Variants in IKZF1 observed in about 807,000 individuals in gnomAD.
IKZF1 encodes the protein IKAROS family zinc finger 1, also known as DNA-binding protein Ikaros.
In IKZF1, 10 loss-of-function variants were observed where a neutral mutation model predicts 51.7. That is an observed-to-expected ratio of 0.19 (90% CI 0.12 to 0.33). IKZF1 has a LOEUF of 0.33. IKZF1 is among the 10% of genes least tolerant of loss of function. IKZF1 has a pLI of 1.00. For synonymous variants in IKZF1, 280 were observed against 282.3 expected (o/e 0.99, Z 0.08); for missense variants, 484 against 707.5 (o/e 0.68, Z 3.58).
intron 2 of IKZF1, among the ~76,000 whole-genome samples, chr7:50,321,794 G>A (rs947454858): frequency 7.9e-5 from 12 of 152,076 alleles, no homozygotes; most frequent in African/African-American, 2.9e-4. Context: ...TAGTTTTCTT[G>A]TCTTTACCAT....
rs1263696689 is a variant in IKZF1, at chr7:50,376,751, A to G, written c.379A>G (p.Ile127Val). 1 of 1,613,852 alleles carries G rather than the reference A, an allele frequency of 6.2e-7. No homozygotes were observed. The highest frequency in any genetic ancestry group is 8.5e-7 in the Non-Finnish European group (1 of 1,179,892). The change falls in exon 4 of 8, where the codon ATC (isoleucine) becomes GTC (valine). Residue 127 changes from isoleucine (I) to valine (V), a missense_variant. Transcript: ENST00000331340. The surrounding 1 kb of genome is among the most constrained non-coding windows in gnomAD (Gnocchi z 4.5). ...GTGTGATATCTGTGGGATCATTTGCATCGGGCCCAATGTGCTCATGGTTCA... is the reference window on the plus strand; with the variant it reads ...GTGTGATATCTGTGGGATCATTTGCGTCGGGCCCAATGTGCTCATGGTTCA... ...LKCDICGIIC[I>V]GPNVLMVHKR...
chr7:50,355,593 C>T (rs1435487151), intron 3 of IKZF1, among the ~76,000 whole-genome samples: 1 of 150,272 alleles, frequency 6.7e-6, no homozygotes, highest in East Asian at 1.9e-4. Context: ...TCTTAATTCA[C>T]TCCAAAGTTT....
chr7:50,326,233 T>C (rs1216743242), intron 2 of IKZF1, among the ~76,000 whole-genome samples: 1 of 152,242 alleles, frequency 6.6e-6, no homozygotes, highest in Non-Finnish European at 1.5e-5. Context: ...TACCTAGTCA[T>C]GTTTTTCAGA....
intron 3 of IKZF1, among the ~76,000 whole-genome samples, chr7:50,364,663 G>T (rs1045066031): frequency 6.6e-6 from 1 of 152,224 alleles, no homozygotes; most frequent in African/African-American, 2.4e-5. Context: ...CCAAGAGAGT[G>T]AGAAAAAGCA....
intron 3 of IKZF1, among the ~76,000 whole-genome samples, chr7:50,352,274 G>C (rs972170848): frequency 1.3e-5 from 2 of 152,130 alleles, no homozygotes; most frequent in Admixed American, 6.5e-5. Flanking sequence ...TCTCTTATCT[G>C]CTTGGATAGT....
At chr7:50,356,364 T>C (rs769391436) in intron 3 of IKZF1, among the ~76,000 whole-genome samples, 4 of 152,230 alleles carry the variant, frequency 2.6e-5, no homozygotes, top group Non-Finnish European at 2.9e-5. Context: ...ATCTGGACCA[T>C]AGAGTGAACT....
In IKZF1 at chr7:50,403,040, AC is replaced by A. The variant is rs1818413838; in HGVS notation, c.*2414del. The A allele has an allele frequency of 8.9e-6, 2 of 225,762 alleles. No homozygotes were observed. Among genetic ancestry groups the A allele is most frequent in the South Asian group, 3.7e-4 (2 of 5,464 alleles). 14.0% of individuals were successfully genotyped at this position (225,762 alleles called of 1,614,324 possible). A position where few individuals can be genotyped will look rare whatever the true frequency, so the allele number is the denominator to read the frequency against. On this transcript the variant is annotated 3_prime_UTR_variant, in exon 8 of 8. Transcript: ENST00000331340. ...AGTTATTTTTTCAAGTGGAATTCAA[AC>A]AAAGCTCAAACCAGAACTGTAAATA...
chr7:50,311,813 C>T (rs1210677434), intron 1 of IKZF1, among the ~76,000 whole-genome samples: 1 of 152,040 alleles, frequency 6.6e-6, no homozygotes, highest in African/African-American at 2.4e-5. Context: ...CTTTGTGACA[C>T]CATATGGCCT....
intron 3 of IKZF1, among the ~76,000 whole-genome samples, chr7:50,334,348 G>C (rs1797074007): frequency 6.6e-6 from 1 of 152,122 alleles, no homozygotes; most frequent in African/African-American, 2.4e-5. Context: ...CATGTGTTGT[G>C]TGTGTGCAGG....
chr7:50,364,882 G>C (rs916096620), intron 3 of IKZF1, among the ~76,000 whole-genome samples: 1 of 152,180 alleles, frequency 6.6e-6, no homozygotes, highest in African/African-American at 2.4e-5. Flanking sequence ...GGTCCCTGAG[G>C]GGGCAGGGCT....
chr7:50,395,260 A>G (rs12533940), intron 7 of IKZF1, among the ~76,000 whole-genome samples: 60,099 of 152,072 alleles, frequency 0.4, 12,636 homozygotes, highest in Non-Finnish European at 0.49. Context: ...ATAGGTAAAT[A>G]TGAAATAAAT....
At chr7:50,339,784 G>A (rs1387695295) in intron 3 of IKZF1, among the ~76,000 whole-genome samples, 1 of 151,858 alleles carries the variant, frequency 6.6e-6, no homozygotes, top group Non-Finnish European at 1.5e-5. Context: ...AAAGGATTCT[G>A]TGTCTTATTT....
At chr7:50,365,963 A>G (rs1325178501) in intron 3 of IKZF1, among the ~76,000 whole-genome samples, 3 of 152,232 alleles carry the variant, frequency 2.0e-5, no homozygotes, top group Non-Finnish European at 2.9e-5. Flanking sequence ...GAATGAGATC[A>G]TGCCCTTTGC....
At chr7:50,392,522 G>C (rs549059161) in intron 7 of IKZF1, among the ~76,000 whole-genome samples, 3 of 152,296 alleles carry the variant, frequency 2.0e-5, no homozygotes, top group South Asian at 2.1e-4. Context: ...GTGGAAAGGC[G>C]CTAGGCTTGG....
intron 3 of IKZF1, chr7:50,368,277 C>T: frequency 1.4e-6 from 1 of 703,266 alleles, no homozygotes; most frequent in Non-Finnish European, 2.6e-6. Context: ...GGGAGCATGG[C>T]AGTGGAGTAA....
chr7:50,304,599 T>G (rs1245129060), upstream of IKZF1: 1 of 151,520 alleles, frequency 6.6e-6, no homozygotes, highest in African/African-American at 2.4e-5. Flanking sequence ...AAGCCTGGTC[T>G]GAGCCGGCTG....
At chr7:50,348,778 C>T (rs1801049560) in intron 3 of IKZF1, among the ~76,000 whole-genome samples, 1 of 152,190 alleles carries the variant, frequency 6.6e-6, no homozygotes, top group Admixed American at 6.5e-5. Context: ...GTGATGTACC[C>T]ACTCATTGAA....
At position 50,376,369 on chromosome 7, in the gene IKZF1, G is replaced by C. The variant is rs372377965; in HGVS notation, c.161-164G>C. On this transcript the variant is annotated intron_variant, in intron 3 of 7. Coordinates refer to ENST00000331340, the MANE Select transcript of IKZF1 (RefSeq NM_006060.6). This position sits in a 1 kb window ranked among gnomAD's most constrained non-coding sequence, Gnocchi z 4.5. ...GGCCTGCCACCGAAGCCCACTCAAGGCTGAATGCACGGCGAGCTCAGGCTG... is the reference window on the plus strand; with the variant it reads ...GGCCTGCCACCGAAGCCCACTCAAGCCTGAATGCACGGCGAGCTCAGGCTG... Among the ~76,000 whole-genome samples the C allele has an allele frequency of 6.6e-6, 1 of 152,230 alleles. No individual in the cohort carries two copies. The highest frequency in any genetic ancestry group is 2.4e-5 in the African/African-American group (1 of 41,456).
chr7:50,382,738 C>T, intron 5 of IKZF1, 31 bp downstream of exon 5: 1 of 1,581,506 alleles, frequency 6.3e-7, no homozygotes, highest in Non-Finnish European at 8.6e-7. Context: ...CCGGGGCTGT[C>T]TGGGTGTCCC....
Sources: allele counts gnomAD v4.1 joint callset (sites outside exome capture counted in the v4.1 genomes callset), GRCh38; gene constraint gnomAD v4.1.1; non-coding constraint Gnocchi (gnomAD v3.1); transcripts MANE v1.5; gene names NCBI Gene and HGNC (gene_info 2026-07-23, HGNC 2026-07-21).